The following TAF1B variants were observed in gnomAD, a reference collection of about 807,000 sequenced individuals.
The protein encoded by TAF1B is TATA box-binding protein-associated factor RNA polymerase I subunit B.
TAF1B carries 61 observed loss-of-function variants against 83.9 expected under a neutral mutation model. The observed-to-expected ratio is 0.73, with a 90% confidence interval of 0.59 to 0.90. The LOEUF (loss-of-function observed/expected upper bound fraction) is 0.90, where lower values mean the gene tolerates loss of function less well. Among genes scored for constraint, TAF1B ranks in the 40% least tolerant of loss-of-function variants. The probability of loss-of-function intolerance (pLI) is 0.00; values close to 1 mark genes in which losing one functional copy is unlikely to be tolerated. For synonymous variants in TAF1B, 221 were observed against 224.6 expected (o/e 0.98, Z 0.14); for missense variants, 625 against 677.0 (o/e 0.92, Z 0.85).
rs759846245 is a variant in TAF1B, at chr2:9,919,839, A to G, written c.1565+19A>G. On this transcript the variant is annotated intron_variant, in intron 14 of 14. Transcript: ENST00000263663. ...GCAGATGGTAATAATGCTTTTAGAAAAAGTCACATATAATTGAAGTAGTTG... is the reference window on the plus strand; with the variant it reads ...GCAGATGGTAATAATGCTTTTAGAAGAAGTCACATATAATTGAAGTAGTTG... 1.9e-6 allele frequency: 3 copies of G among 1,601,646 alleles called. No homozygotes were observed. In the South Asian group the frequency reaches 3.3e-5, roughly 18 times the overall value.
At chr2:9,870,697 A>G (rs1664141884) in intron 6 of TAF1B, among the ~76,000 whole-genome samples, 1 of 152,150 alleles carries the variant, frequency 6.6e-6, no homozygotes, top group Non-Finnish European at 1.5e-5. Context: ...TCCCCAGTAC[A>G]TGCATGTGCA....
intron 8 of TAF1B, among the ~76,000 whole-genome samples, chr2:9,898,319 A>G (rs1044843533): frequency 1.3e-5 from 2 of 152,184 alleles, no homozygotes; most frequent in Non-Finnish European, 2.9e-5. Context: ...GCATCTTGCA[A>G]GTGATTCTGA....
chr2:9,926,414 G>T (rs1440805807), intron 14 of TAF1B, among the ~76,000 whole-genome samples: 2 of 152,070 alleles, frequency 1.3e-5, no homozygotes, highest in Non-Finnish European at 2.9e-5. Flanking sequence ...TGTACTTACT[G>T]AGTAATCCTG....
In TAF1B at chr2:9,933,814, T is replaced by C; in HGVS notation, c.1597T>C (p.Ser533Pro). Residue 533 changes from serine to proline, a missense_variant, in exon 15 of 15, where the codon TCA becomes CCA. Transcript: ENST00000263663. ...TACACATGTGACAACCTATGAAGAA[T>C]CAAATTATTCTCTGAGTTATCAGTT... Reference protein sequence around the residue: ...YCTHVTTYEESNYSLSYQFIL... With the variant: ...YCTHVTTYEEPNYSLSYQFIL... 1 of 1,613,610 alleles carries C rather than the reference T, an allele frequency of 6.2e-7. No homozygotes were observed. The highest frequency in any genetic ancestry group is 1.1e-5 in the South Asian group (1 of 91,002).
intron 1 of TAF1B, 128 bp downstream of exon 1, chr2:9,843,687 G>C (rs1258635076): frequency 9.1e-7 from 1 of 1,098,812 alleles, no homozygotes; most frequent in Admixed American, 3.2e-5. Flanking sequence ...GCGGGGCGGA[G>C]GGCTGCAGGG....
chr2:9,929,028 T>C (rs1402340609), intron 14 of TAF1B, among the ~76,000 whole-genome samples: 1 of 152,228 alleles, frequency 6.6e-6, no homozygotes, highest in Non-Finnish European at 1.5e-5. Context: ...TTTTGAGATA[T>C]GTTCCATCAG....
chr2:9,863,495 A>G (rs1267404343), intron 5 of TAF1B, among the ~76,000 whole-genome samples: 2 of 152,068 alleles, frequency 1.3e-5, no homozygotes, highest in Non-Finnish European at 2.9e-5. Flanking sequence ...CACAATAATA[A>G]TGGGAGACTT....
chr2:9,854,134 T>C (rs1663484127), intron 4 of TAF1B, among the ~76,000 whole-genome samples, 192 bp from the exon 5 acceptor site: 5 of 152,200 alleles, frequency 3.3e-5, no homozygotes, highest in Admixed American at 3.3e-4. Context: ...TTTGTGGAAC[T>C]CAATGTTCTG....
chr2:9,913,917 G>T (rs1665607167), intron 12 of TAF1B, among the ~76,000 whole-genome samples: 1 of 152,142 alleles, frequency 6.6e-6, no homozygotes. Context: ...GAAGAAAAAG[G>T]TAACATCTCT....
chr2:9,862,706 TA>T (rs1663816511), intron 5 of TAF1B, among the ~76,000 whole-genome samples: 1 of 152,192 alleles, frequency 6.6e-6, no homozygotes, highest in Non-Finnish European at 1.5e-5. Context: ...AAGGTCGGGT[TA>T]CCCACAAAGG....
chr2:9,932,757 C>T (rs1170567252), intron 14 of TAF1B, among the ~76,000 whole-genome samples: 1 of 152,254 alleles, frequency 6.6e-6, no homozygotes, highest in African/African-American at 2.4e-5. Context: ...GCCTTTTGTT[C>T]AGCTGTGTGC....
intron 10 of TAF1B, among the ~76,000 whole-genome samples, 177 bp downstream of exon 10, chr2:9,911,090 A>G (rs1456985996): frequency 6.6e-6 from 1 of 152,246 alleles, no homozygotes; most frequent in Non-Finnish European, 1.5e-5. Flanking sequence ...GTTACAGAAC[A>G]TTGACTAGTA....
At chr2:9,921,433 A>G (rs960809912) in intron 14 of TAF1B, among the ~76,000 whole-genome samples, 1 of 152,180 alleles carries the variant, frequency 6.6e-6, no homozygotes, top group Non-Finnish European at 1.5e-5. Context: ...CAGGCAGTAG[A>G]TAGTGAAGAA....
intron 14 of TAF1B, among the ~76,000 whole-genome samples, chr2:9,923,490 C>T (rs1410683118): frequency 6.6e-6 from 1 of 151,974 alleles, no homozygotes; most frequent in African/African-American, 2.4e-5. Flanking sequence ...ACCAGCCTGA[C>T]CAACATGGAG....
At chr2:9,882,676 C>A in intron 7 of TAF1B, 30 bp from the exon 8 acceptor site, 1 of 1,523,112 alleles carries the variant, frequency 6.6e-7, no homozygotes, top group Non-Finnish European at 9.0e-7. Flanking sequence ...ATATAACTCT[C>A]ATTAAACCTT....
intron 7 of TAF1B, among the ~76,000 whole-genome samples, chr2:9,877,491 A>G (rs11676021): frequency 0.026 from 4,032 of 152,168 alleles, 197 homozygotes; most frequent in African/African-American, 0.092. Flanking sequence ...TCACAGAACC[A>G]TTCTTCTCTG....
At chr2:9,925,139 A>G (rs768695152) in intron 14 of TAF1B, among the ~76,000 whole-genome samples, 7 of 152,162 alleles carry the variant, frequency 4.6e-5, no homozygotes, top group Non-Finnish European at 8.8e-5. Flanking sequence ...TTTTTAAACT[A>G]TAGTGAAAAA....
rs150616363 is a variant in TAF1B, at chr2:9,897,895, C to G, written c.808-6964C>G. On this transcript the variant is annotated intron_variant, in intron 8 of 14. Coordinates refer to ENST00000263663, the MANE Select transcript of TAF1B (RefSeq NM_005680.3). ...GAAGTGAACATAATGATCAGGTTCC[C>G]TCATTTCTACTCTTCCCTCCCAGAC... Among the ~76,000 whole-genome samples the G allele has an allele frequency of 3.4e-3, 519 of 152,128 alleles. 2 individuals carry two copies. Among genetic ancestry groups the G allele is most frequent in the African/African-American group, 0.012 (503 of 41,488 alleles).
At chr2:9,846,397 G>C (rs1264996159) in intron 2 of TAF1B, among the ~76,000 whole-genome samples, 1 of 152,174 alleles carries the variant, frequency 6.6e-6, no homozygotes, top group Non-Finnish European at 1.5e-5. Flanking sequence ...AATGTGCCAG[G>C]ACTCTCCTCA....
Sources: gnomAD v4.1 joint callset for allele counts (sites outside exome capture counted in the v4.1 genomes callset) on GRCh38, gnomAD v4.1.1 for gene constraint, MANE v1.5 for transcripts, NCBI Gene and HGNC (gene_info 2026-07-23, HGNC 2026-07-21) for gene names.